The following FHIT variants were observed in gnomAD, a reference collection of about 807,000 sequenced individuals.
FHIT encodes bis(5'-adenosyl)-triphosphatase.
FHIT carries 19 observed loss-of-function variants against 17.9 expected under a neutral mutation model. That is an observed-to-expected ratio of 1.06 (90% confidence interval 0.74 to 1.56). The LOEUF is 1.56. Among genes scored for constraint, FHIT ranks in the 40% most tolerant of loss-of-function variants. FHIT has a pLI of 0.00. For missense variants in FHIT, 248 were observed against 189.2 expected, an observed-to-expected ratio of 1.31 and a Z score of -1.82; for synonymous variants, 81 against 69.7, an observed-to-expected ratio of 1.16 and a Z score of -0.81.
intron 7 of FHIT, among the ~76,000 whole-genome samples, chr3:59,964,629 A>G (rs184034664): frequency 6.6e-6 from 1 of 152,280 alleles, no homozygotes; most frequent in East Asian, 1.9e-4. Context: ...CACAATAGAC[A>G]AATAGTGGTG....
chr3:60,064,313 C>T (rs149964841), intron 5 of FHIT, among the ~76,000 whole-genome samples: 16 of 152,158 alleles, frequency 1.1e-4, no homozygotes, highest in East Asian at 3.9e-4. Context: ...CACTGAACTC[C>T]GAAATGGGTG....
intron 1 of FHIT, among the ~76,000 whole-genome samples, chr3:61,226,138 C>T (rs1250713662): frequency 6.6e-6 from 1 of 152,140 alleles, no homozygotes; most frequent in Non-Finnish European, 1.5e-5. Flanking sequence ...AGCCCTGTGC[C>T]CCTAGTCCCA....
intron 5 of FHIT, among the ~76,000 whole-genome samples, chr3:60,476,886 A>G (rs2033373510): frequency 6.6e-6 from 1 of 151,770 alleles, no homozygotes; most frequent in Non-Finnish European, 1.5e-5. Flanking sequence ...CAGAAGACAA[A>G]GGGTGGGGGA....
chr3:60,375,058 G>T (rs547230596), intron 5 of FHIT, among the ~76,000 whole-genome samples: 1 of 150,942 alleles, frequency 6.6e-6, no homozygotes, highest in South Asian at 2.1e-4. Flanking sequence ...GAGAAAAATG[G>T]TAAAATACTT....
At chr3:60,573,121 T>C (rs966747279) in intron 4 of FHIT, among the ~76,000 whole-genome samples, 12 of 152,158 alleles carry the variant, frequency 7.9e-5, no homozygotes, top group African/African-American at 2.4e-4. Context: ...CTTGGCTTTT[T>C]GCTAGAAAGC....
chr3:60,819,433 T>C (rs1701852324), intron 4 of FHIT, among the ~76,000 whole-genome samples: 1 of 152,198 alleles, frequency 6.6e-6, no homozygotes, highest in African/African-American at 2.4e-5. Flanking sequence ...CTACCAGTGA[T>C]TATCTACATG....
intron 5 of FHIT, among the ~76,000 whole-genome samples, chr3:60,443,199 T>C (rs1294792346): frequency 6.6e-6 from 1 of 152,202 alleles, no homozygotes; most frequent in Non-Finnish European, 1.5e-5. Context: ...TTTCTAGATA[T>C]ACAATCATGT....
intron 5 of FHIT, among the ~76,000 whole-genome samples, chr3:60,125,682 G>A (rs563059873): frequency 1.1e-4 from 14 of 122,736 alleles, no homozygotes; most frequent in East Asian, 4.2e-4. Flanking sequence ...ATGTGTGTGC[G>A]TGTGTACATA....
At chr3:60,127,665 G>C (rs895094781) in intron 5 of FHIT, among the ~76,000 whole-genome samples, 1 of 152,136 alleles carries the variant, frequency 6.6e-6, no homozygotes, top group Non-Finnish European at 1.5e-5. Context: ...GCAGTAGCAT[G>C]ATCTAGGCCC....
At chr3:61,064,741 T>C (rs1481061342) in intron 2 of FHIT, among the ~76,000 whole-genome samples, 3 of 152,114 alleles carry the variant, frequency 2.0e-5, no homozygotes, top group Non-Finnish European at 4.4e-5. Context: ...ATGGATGAAA[T>C]CCTTCATAGG....
intron 5 of FHIT, among the ~76,000 whole-genome samples, chr3:60,129,049 GTTTGTTTTTT>G (rs1359849446): frequency 1.7e-5 from 2 of 121,042 alleles, no homozygotes; most frequent in Non-Finnish European, 3.2e-5. Flanking sequence ...TTCCTTTTTT[GTTTGTTTTTT>G]TTTTTTTTTT....
At chr3:60,860,286 TATACATGAG>T (rs1703630330) in intron 3 of FHIT, among the ~76,000 whole-genome samples, 4 of 148,692 alleles carry the variant, frequency 2.7e-5, no homozygotes, top group African/African-American at 9.9e-5. Context: ...ACATCATATG[TATACATGAG>T]ATACATCATA....
chr3:61,216,460 G>C (rs1474779612), intron 1 of FHIT, among the ~76,000 whole-genome samples: 1 of 152,194 alleles, frequency 6.6e-6, no homozygotes, highest in African/African-American at 2.4e-5. Context: ...TGTTACACCA[G>C]TTAGAATGGC....
At chr3:60,233,725 C>G (rs213416) in intron 5 of FHIT, among the ~76,000 whole-genome samples, 56,713 of 151,894 alleles carry the variant, frequency 0.37, 10,834 homozygotes, top group South Asian at 0.41. Context: ...ATGGGAGGGA[C>G]CCGGTGGCAG....
At chr3:60,484,134 C>T (rs1405127393) in intron 5 of FHIT, among the ~76,000 whole-genome samples, 1 of 151,992 alleles carries the variant, frequency 6.6e-6, no homozygotes, top group Non-Finnish European at 1.5e-5. Context: ...TGTGAAGGAC[C>T]TCTTCAAGGA....
intron 5 of FHIT, among the ~76,000 whole-genome samples, chr3:60,175,426 C>G (rs1040568745): frequency 1.4e-4 from 21 of 152,016 alleles, no homozygotes; most frequent in African/African-American, 5.1e-4. Context: ...GAGATAATAG[C>G]ATAATTATAT....
At chr3:61,015,025 T>C (rs2032029813) in intron 3 of FHIT, among the ~76,000 whole-genome samples, 1 of 151,678 alleles carries the variant, frequency 6.6e-6, no homozygotes, top group African/African-American at 2.4e-5. Flanking sequence ...ATGAGGTTAC[T>C]AGATAAGGTA....
At chr3:60,126,931 G>GT (rs1473797685) in intron 5 of FHIT, among the ~76,000 whole-genome samples, 1 of 152,024 alleles carries the variant, frequency 6.6e-6, no homozygotes, top group East Asian at 1.9e-4. Flanking sequence ...GCGCGCTTCC[G>GT]TAACTAGTGG....
intron 5 of FHIT, among the ~76,000 whole-genome samples, chr3:60,252,028 G>C (rs1705736832): frequency 1.3e-5 from 2 of 152,178 alleles, no homozygotes; most frequent in South Asian, 4.1e-4. Context: ...AAAATTTTAT[G>C]TCATGAGTAC....
Sources: allele counts gnomAD v4.1 joint callset (sites outside exome capture counted in the v4.1 genomes callset), GRCh38; gene constraint gnomAD v4.1.1; transcripts MANE v1.5; gene names NCBI Gene and HGNC (gene_info 2026-07-23, HGNC 2026-07-21).